Variants in GABRB1 observed in about 807,000 individuals in gnomAD.
GABRB1 encodes the protein gamma-aminobutyric acid type A receptor subunit beta1.
In GABRB1, 17 loss-of-function variants were observed where a neutral mutation model predicts 51.6. That is an observed-to-expected ratio of 0.33 (90% CI 0.23 to 0.49). The LOEUF (loss-of-function observed/expected upper bound fraction) is 0.49. Ranked by LOEUF, GABRB1 falls within the 20% of genes least tolerant of loss-of-function variation. GABRB1 has a pLI of 0.99. For missense variants in GABRB1, 410 were observed against 600.6 expected (o/e 0.68, Z 3.32); for synonymous variants, 247 against 218.9 (o/e 1.13, Z -1.14).
intron 4 of GABRB1, among the ~76,000 whole-genome samples, chr4:47,296,623 T>C (rs1246375256): frequency 1.3e-5 from 2 of 152,156 alleles, no homozygotes; most frequent in Non-Finnish European, 1.5e-5. Context: ...TCCTTAGAGA[T>C]GTACAAAGAG....
intron 4 of GABRB1, among the ~76,000 whole-genome samples, chr4:47,304,411 G>T (rs62304013): frequency 0.044 from 6,617 of 151,990 alleles, 184 homozygotes; most frequent in Admixed American, 0.066. Flanking sequence ...TCATATACAT[G>T]TTGGTTATTT....
Position 47,162,142 on chromosome 4 carries a change from T to C in GABRB1, c.461+673T>C, listed in dbSNP as rs1002954700. Among the ~76,000 whole-genome samples, 5 of 152,088 alleles carry C rather than the reference T, an allele frequency of 3.3e-5. No individual in the cohort carries two copies. In the East Asian group the frequency reaches 9.6e-4, roughly 29 times the overall value. On this transcript the variant is annotated intron_variant, in intron 4 of 8. Transcript: ENST00000295454. ...TTAAAAATCTCTGAGTTAAAAGTCT[T>C]TGGGAGAAATGGTAAAATAAACTAA...
At chr4:47,016,970 T>A (rs1265656216) in intron 1 of GABRB1, among the ~76,000 whole-genome samples, 2 of 152,186 alleles carry the variant, frequency 1.3e-5, no homozygotes, top group African/African-American at 4.8e-5. Flanking sequence ...GGTGCTAAAA[T>A]ATCCAACCTG....
chr4:47,133,234 G>C (rs946722122), intron 3 of GABRB1, among the ~76,000 whole-genome samples: 4 of 152,190 alleles, frequency 2.6e-5, no homozygotes, highest in African/African-American at 9.6e-5. Context: ...TTGACTCAGT[G>C]AATGGATGAT....
At chr4:47,360,172 A>G (rs1045723565) in intron 5 of GABRB1, among the ~76,000 whole-genome samples, 1 of 151,920 alleles carries the variant, frequency 6.6e-6, no homozygotes, top group Non-Finnish European at 1.5e-5. Flanking sequence ...TCCGTTTATT[A>G]TTCTGCTGGT....
At chr4:47,043,889 C>G (rs1246073616) in intron 3 of GABRB1, among the ~76,000 whole-genome samples, 1 of 152,074 alleles carries the variant, frequency 6.6e-6, no homozygotes, top group Non-Finnish European at 1.5e-5. Context: ...TTCAGGTACT[C>G]TTTTTATATC....
intron 4 of GABRB1, among the ~76,000 whole-genome samples, chr4:47,180,373 T>C (rs966108630): frequency 6.6e-6 from 1 of 151,960 alleles, no homozygotes; most frequent in Non-Finnish European, 1.5e-5. Flanking sequence ...GTTATATGCT[T>C]CAATGAGAAA....
chr4:47,294,057 T>C (rs1723863393), intron 4 of GABRB1, among the ~76,000 whole-genome samples: 1 of 152,134 alleles, frequency 6.6e-6, no homozygotes, highest in Non-Finnish European at 1.5e-5. Context: ...TACATAAATA[T>C]AAAAGCATGC....
chr4:47,270,438 G>A (rs1722829721), intron 4 of GABRB1, among the ~76,000 whole-genome samples: 1 of 152,190 alleles, frequency 6.6e-6, no homozygotes, highest in Non-Finnish European at 1.5e-5. Flanking sequence ...AGCAAGGTCA[G>A]CCCAGTCACA....
At chr4:47,328,944 A>C (rs1662907635) in intron 5 of GABRB1, among the ~76,000 whole-genome samples, 1 of 152,010 alleles carries the variant, frequency 6.6e-6, no homozygotes, top group African/African-American at 2.4e-5. Context: ...ATATCTGTCC[A>C]CCTAGTGTTA....
chr4:47,031,784 T>C, intron 1 of GABRB1, 53 bp downstream of exon 1: 1 of 1,558,774 alleles, frequency 6.4e-7, no homozygotes, highest in Non-Finnish European at 8.8e-7. Flanking sequence ...CTTTTTTTCT[T>C]GGTATGTTTC....
At chr4:47,019,492 AT>A (rs5858049) in intron 1 of GABRB1, among the ~76,000 whole-genome samples, 72,646 of 150,276 alleles carry the variant, frequency 0.48, 17,736 homozygotes, top group East Asian at 0.51. Flanking sequence ...TGGAAATTTA[AT>A]TTTCTCATAG....
chr4:47,320,221 G>T lies in GABRB1; in HGVS notation c.544+12G>T. On this transcript the variant is annotated intron_variant, in intron 5 of 8. Transcript: ENST00000295454. The stretch of plus-strand genomic sequence containing the variant: ...GGAGATCGAAAGTTGTGAGTTACTT[G>T]GACAGGGGAATGAAAAAGAGGGATT... The T allele has an allele frequency of 3.3e-6, 5 of 1,510,786 alleles. No individual in the cohort carries two copies. The highest frequency in any genetic ancestry group is 4.6e-6 in the Non-Finnish European group (5 of 1,085,102). The allele number at this position is 1,510,786 out of a possible 1,614,324, so 93.6% of individuals were successfully genotyped here.
intron 4 of GABRB1, among the ~76,000 whole-genome samples, chr4:47,195,048 G>T (rs180994081): frequency 1.3e-5 from 2 of 152,134 alleles, no homozygotes; most frequent in African/African-American, 4.8e-5. Flanking sequence ...GTAAGCAGAG[G>T]TGGGTAAGGT....
chr4:47,202,056 G>C (rs1719919188), intron 4 of GABRB1, among the ~76,000 whole-genome samples: 1 of 152,090 alleles, frequency 6.6e-6, no homozygotes, highest in Admixed American at 6.6e-5. Flanking sequence ...GATGTGGTTA[G>C]GCCTTGTGTC....
chr4:47,147,047 G>A (rs1001184144), intron 3 of GABRB1, among the ~76,000 whole-genome samples: 2 of 151,668 alleles, frequency 1.3e-5, no homozygotes, highest in African/African-American at 4.8e-5. Flanking sequence ...CCTAGAGAGT[G>A]GATAAGGCAC....
chr4:47,123,281 A>G (rs954120498), intron 3 of GABRB1, among the ~76,000 whole-genome samples: 21 of 141,568 alleles, frequency 1.5e-4, no homozygotes, highest in African/African-American at 5.5e-4. Context: ...GTATTTATAC[A>G]TATATATGAT....
At chr4:47,422,467 T>C (rs1396627461) in intron 8 of GABRB1, among the ~76,000 whole-genome samples, 1 of 152,212 alleles carries the variant, frequency 6.6e-6, no homozygotes, top group Non-Finnish European at 1.5e-5. Context: ...CTTCAGCTCT[T>C]ATTCTAAGAC....
intron 5 of GABRB1, among the ~76,000 whole-genome samples, chr4:47,363,019 C>CGTGTGT (rs72429068): frequency 1.3e-3 from 160 of 119,024 alleles, no homozygotes; most frequent in African/African-American, 3.9e-3. Context: ...AGTGTCTAAG[C>CGTGTGT]GTGTGTGTGT....
Sources: gnomAD v4.1 joint callset for allele counts (sites outside exome capture counted in the v4.1 genomes callset) on GRCh38, gnomAD v4.1.1 for gene constraint, MANE v1.5 for transcripts, NCBI Gene and HGNC (gene_info 2026-07-23, HGNC 2026-07-21) for gene names.